Variants in LINGO2 observed in about 807,000 individuals in gnomAD.
LINGO2 encodes leucine-rich repeat and immunoglobulin-like domain-containing nogo receptor-interacting protein 2.
A neutral mutation model predicts 30.6 loss-of-function variants in LINGO2; 14 were observed. The observed-to-expected ratio is 0.46, with a 90% CI of 0.30 to 0.72. The LOEUF is 0.72. Ranked by LOEUF, LINGO2 falls within the 30% of genes least tolerant of loss-of-function variation. The probability of loss-of-function intolerance (pLI) is 0.07; values close to 1 mark genes in which losing one functional copy is unlikely to be tolerated. For synonymous variants in LINGO2, 317 were observed against 288.5 expected (o/e 1.10, Z -1.00); for missense variants, 729 against 751.7 (o/e 0.97, Z 0.35).
At chr9:28,547,610 T>A (rs1822018351) in intron 1 of LINGO2, among the ~76,000 whole-genome samples, 1 of 152,076 alleles carries the variant, frequency 6.6e-6, no homozygotes, top group African/African-American at 2.4e-5. Flanking sequence ...CACATGGAAA[T>A]TAAGAAGCCT....
the LINGO2 span, among the ~76,000 whole-genome samples, chr9:28,899,462 C>A: frequency 6.6e-6 from 1 of 152,172 alleles, no homozygotes; most frequent in African/African-American, 2.4e-5. Flanking sequence ...TGGCCCCAGG[C>A]TCCAGACTGA....
chr9:28,395,930 G>A (rs189475609), intron 2 of LINGO2, among the ~76,000 whole-genome samples: 1 of 152,222 alleles, frequency 6.6e-6, no homozygotes, highest in East Asian at 1.9e-4. Flanking sequence ...TAGATCTTAA[G>A]TTTGGCCCTT....
chr9:28,437,159 T>C (rs969539574), intron 2 of LINGO2, among the ~76,000 whole-genome samples: 6 of 152,222 alleles, frequency 3.9e-5, no homozygotes, highest in Non-Finnish European at 8.8e-5. Context: ...CCACTCTCAA[T>C]GTAGTGGTCA....
intron 4 of LINGO2, among the ~76,000 whole-genome samples, chr9:28,068,182 C>G (rs1046586177): frequency 6.6e-6 from 1 of 152,022 alleles, no homozygotes; most frequent in African/African-American, 2.4e-5. Flanking sequence ...TTAGTCAGCT[C>G]GGCCTGCCAT....
At chr9:27,942,622 G>A in the LINGO2 span, 1 of 152,042 alleles carries the variant, frequency 6.6e-6, no homozygotes, top group East Asian at 1.9e-4. Flanking sequence ...TTTACGAAAA[G>A]TTTTGTTAGG....
chr9:29,006,293 A>G, the LINGO2 span, among the ~76,000 whole-genome samples: 1 of 152,012 alleles, frequency 6.6e-6, no homozygotes, highest in Admixed American at 6.6e-5. Context: ...CTTTAGGACA[A>G]AAAGAACACG....
intron 1 of LINGO2, among the ~76,000 whole-genome samples, chr9:28,592,893 A>G (rs1824989644): frequency 6.6e-6 from 1 of 152,002 alleles, no homozygotes; most frequent in Non-Finnish European, 1.5e-5. Context: ...ATTGTCCCCA[A>G]TCCCATCTAT....
the LINGO2 span, among the ~76,000 whole-genome samples, chr9:29,011,047 T>C: frequency 6.6e-6 from 1 of 152,186 alleles, no homozygotes; most frequent in South Asian, 2.1e-4. Context: ...GAACAACATT[T>C]ATCCTCATAG....
At chr9:28,914,540 C>A in the LINGO2 span, among the ~76,000 whole-genome samples, 2 of 152,034 alleles carry the variant, frequency 1.3e-5, no homozygotes, top group Non-Finnish European at 1.5e-5. Context: ...TACAGCTGAT[C>A]CTTGAACAAT....
At chr9:28,440,804 A>G (rs1824160130) in intron 2 of LINGO2, among the ~76,000 whole-genome samples, 1 of 152,148 alleles carries the variant, frequency 6.6e-6, no homozygotes, top group Non-Finnish European at 1.5e-5. Flanking sequence ...AGAATATTTT[A>G]TTTCTATCAG....
chr9:28,678,637 G>T, the LINGO2 span, among the ~76,000 whole-genome samples: 1 of 152,188 alleles, frequency 6.6e-6, no homozygotes, highest in South Asian at 2.1e-4. Flanking sequence ...TACCTAAAGG[G>T]ATGGTTGTGA....
At chr9:28,013,127 A>G (rs1428107490) in intron 4 of LINGO2, among the ~76,000 whole-genome samples, 1 of 152,112 alleles carries the variant, frequency 6.6e-6, no homozygotes, top group East Asian at 1.9e-4. Flanking sequence ...ACCCGAGTGT[A>G]TTTTCTGAGC....
chr9:28,866,104 C>A, the LINGO2 span, among the ~76,000 whole-genome samples: 3 of 151,994 alleles, frequency 2.0e-5, no homozygotes, highest in Non-Finnish European at 4.4e-5. Context: ...GAAAATTTTC[C>A]CACATTTTCT....
Position 28,297,294 on chromosome 9 carries a change from G to A in LINGO2, c.-245-1928C>T, listed in dbSNP as rs757954135. On this transcript the variant is annotated intron_variant, in intron 3 of 5. Coordinates refer to ENST00000379992, the Ensembl canonical transcript of LINGO2. ...ATGCTATTGATCCCTCCTCAGAAGG[G>A]GTAAGTTTTGTGTATTTTCTTTTCA... is the stretch of plus-strand genomic sequence containing the variant. 8.6e-4 allele frequency among the ~76,000 whole-genome samples: 131 copies of A among 152,084 alleles called. 1 individual carries two copies. The highest frequency in any genetic ancestry group is 1.6e-3 in the Non-Finnish European group (107 of 67,994).
chr9:28,751,004 C>A, the LINGO2 span, among the ~76,000 whole-genome samples: 1 of 151,838 alleles, frequency 6.6e-6, no homozygotes, highest in Non-Finnish European at 1.5e-5. Flanking sequence ...GTGGCTCATG[C>A]CTGTAATTCC....
At chr9:28,424,757 C>T (rs1823336953) in intron 2 of LINGO2, among the ~76,000 whole-genome samples, 1 of 152,048 alleles carries the variant, frequency 6.6e-6, no homozygotes, top group South Asian at 2.1e-4. Flanking sequence ...CTCTGTTTAG[C>T]CAGGTGCTAT....
At chr9:28,276,369 T>C (rs989399546) in intron 4 of LINGO2, among the ~76,000 whole-genome samples, 3 of 152,170 alleles carry the variant, frequency 2.0e-5, no homozygotes, top group African/African-American at 4.8e-5. Context: ...CCTTCCCTCA[T>C]CTATTCTTAT....
At chr9:28,853,932 T>G in the LINGO2 span, among the ~76,000 whole-genome samples, 14 of 151,980 alleles carry the variant, frequency 9.2e-5, no homozygotes, top group Non-Finnish European at 1.6e-4. Flanking sequence ...TTTCCTCTTT[T>G]GAAAAGAGAA....
At chr9:28,628,382 C>A (rs1826781625) in intron 1 of LINGO2, among the ~76,000 whole-genome samples, 1 of 152,048 alleles carries the variant, frequency 6.6e-6, no homozygotes, top group African/African-American at 2.4e-5. Flanking sequence ...ACAATAAATT[C>A]ACATAACAGT....
Sources: gnomAD v4.1 joint callset for allele counts (sites outside exome capture counted in the v4.1 genomes callset) on GRCh38, gnomAD v4.1.1 for gene constraint, MANE v1.5 for transcripts, NCBI Gene and HGNC (gene_info 2026-07-23, HGNC 2026-07-21) for gene names.